The following MGAT5 variants were observed in gnomAD, a reference collection of about 807,000 sequenced individuals.
The protein encoded by MGAT5 is alpha-1,6-mannosylglycoprotein 6-beta-N-acetylglucosaminyltransferase A.
MGAT5 carries 30 observed loss-of-function variants against 94.3 expected under a neutral mutation model. The ratio of observed to expected loss-of-function variants is 0.32; its 90% CI spans 0.24 to 0.43. The LOEUF is 0.43. MGAT5 is among the 20% of genes least tolerant of loss of function. The pLI is 1.00. For synonymous variants in MGAT5, 310 were observed against 322.9 expected (o/e 0.96, Z 0.43); for missense variants, 691 against 905.5 (o/e 0.76, Z 3.04).
intron 14 of MGAT5, among the ~76,000 whole-genome samples, chr2:134,441,149 C>T (rs542020714): frequency 1.3e-5 from 2 of 152,322 alleles, no homozygotes; most frequent in Admixed American, 1.3e-4. Context: ...TGTTTTCAAC[C>T]AACCAGCACT....
chr2:134,350,008 C>T, intron 9 of MGAT5, 70 bp downstream of exon 9: 1 of 1,573,688 alleles, frequency 6.4e-7, no homozygotes, highest in Non-Finnish European at 8.7e-7. Flanking sequence ...TAGCCGCCAT[C>T]TATTTTGGGT....
At chr2:134,416,765 ATTTTTTTTT>A (rs10548586) in intron 12 of MGAT5, among the ~76,000 whole-genome samples, 1 of 130,666 alleles carries the variant, frequency 7.7e-6, no homozygotes, top group African/African-American at 2.8e-5. Context: ...CAGCTAATTA[ATTTTTTTTT>A]TTTTTTTTTT....
intron 1 of MGAT5, among the ~76,000 whole-genome samples, chr2:134,205,997 G>A (rs1310925739): frequency 6.6e-6 from 1 of 152,166 alleles, no homozygotes; most frequent in Admixed American, 6.5e-5. Flanking sequence ...TGCTAGGAAA[G>A]CTACCCAAAA....
intron 14 of MGAT5, among the ~76,000 whole-genome samples, chr2:134,438,542 G>A (rs1685300285): frequency 6.6e-6 from 1 of 152,214 alleles, no homozygotes; most frequent in African/African-American, 2.4e-5. Flanking sequence ...CAGCCAGCAG[G>A]TTTCCTGTCA....
At chr2:134,221,459 CAGAG>C (rs887781539) in intron 1 of MGAT5, among the ~76,000 whole-genome samples, 8 of 150,930 alleles carry the variant, frequency 5.3e-5, no homozygotes, top group African/African-American at 1.5e-4. Context: ...CAGCAGACTT[CAGAG>C]AGAGAGAGAG....
chr2:134,412,047 G>A (rs1043781936), intron 11 of MGAT5, among the ~76,000 whole-genome samples: 11 of 152,212 alleles, frequency 7.2e-5, no homozygotes, highest in South Asian at 2.1e-4. Context: ...GGTACGTGCC[G>A]AGGCATTTCT....
chr2:134,350,944 C>A (rs1352923442), intron 9 of MGAT5, among the ~76,000 whole-genome samples: 3 of 152,122 alleles, frequency 2.0e-5, no homozygotes, highest in Admixed American at 6.6e-5. Context: ...GATCTTCTTC[C>A]CATGTGGTTG....
chr2:134,251,811 A>T (rs987714136), upstream of MGAT5, among the ~76,000 whole-genome samples: 5 of 152,208 alleles, frequency 3.3e-5, no homozygotes, highest in African/African-American at 1.2e-4. Context: ...ATTATTAACC[A>T]TAGTCACCTT....
chr2:134,149,049 G>A (rs1324121028), intron 1 of MGAT5, among the ~76,000 whole-genome samples: 1 of 152,120 alleles, frequency 6.6e-6, no homozygotes, highest in Non-Finnish European at 1.5e-5. Context: ...ACAGCCGTGA[G>A]CCACCGTGCC....
chr2:134,218,901 C>G (rs548659278), intron 1 of MGAT5, among the ~76,000 whole-genome samples: 1 of 152,166 alleles, frequency 6.6e-6, no homozygotes, highest in Non-Finnish European at 1.5e-5. Flanking sequence ...TTAAGCAATG[C>G]TTCATTCTGT....
chr2:134,411,963 G>A (rs944572555), intron 11 of MGAT5, among the ~76,000 whole-genome samples: 3 of 152,174 alleles, frequency 2.0e-5, no homozygotes, highest in East Asian at 1.9e-4. Context: ...ACACAGCTTC[G>A]TCAAGCCCAG....
chr2:134,375,313 C>T (rs1243416181), intron 10 of MGAT5, among the ~76,000 whole-genome samples: 2 of 152,196 alleles, frequency 1.3e-5, no homozygotes, highest in Non-Finnish European at 2.9e-5. Flanking sequence ...TGGATTCTCT[C>T]TTGGTAATTT....
chr2:134,425,265 G>A (rs1684511600), intron 13 of MGAT5, among the ~76,000 whole-genome samples: 1 of 152,148 alleles, frequency 6.6e-6, no homozygotes, highest in African/African-American at 2.4e-5. Flanking sequence ...ACCGTAAAAG[G>A]GTCCTCAGGA....
chr2:134,162,165 G>T (rs180678196), intron 1 of MGAT5, among the ~76,000 whole-genome samples: 59 of 152,190 alleles, frequency 3.9e-4, no homozygotes, highest in African/African-American at 1.2e-3. Flanking sequence ...AGTGCAGCCT[G>T]GGTGACAGAG....
chr2:134,271,657 C>T (rs1573665812), intron 2 of MGAT5, among the ~76,000 whole-genome samples: 1 of 152,132 alleles, frequency 6.6e-6, no homozygotes, highest in South Asian at 2.1e-4. Flanking sequence ...ATGTTCTTTG[C>T]CCTTTAGCAA....
rs1308836590 is a variant in MGAT5 at position 134,270,428 on chromosome 2, A to T, written c.284A>T (p.Gln95Leu). The T allele has an allele frequency of 1.2e-6, 2 of 1,614,226 alleles. No individual in the cohort carries two copies. The highest frequency in any genetic ancestry group is 1.7e-6 in the Non-Finnish European group (2 of 1,180,010). Reference protein sequence around the residue: ...TLAVLLDNILQRIGKLESKVD... With the variant: ...TLAVLLDNILLRIGKLESKVD... The stretch of plus-strand genomic sequence containing the variant: ...GCTGTGTTATTAGATAACATTTTGC[A>T]GCGCATTGGCAAGTTGGAGTCGAAG... The change falls in exon 2 of 16, where the codon CAG becomes CTG. Residue 95 changes from glutamine to leucine, a missense_variant. Coordinates refer to ENST00000281923, the MANE Select transcript of MGAT5 (RefSeq NM_002410.5).
chr2:134,366,234 C>T (rs1203153545), intron 10 of MGAT5, among the ~76,000 whole-genome samples: 3 of 152,188 alleles, frequency 2.0e-5, no homozygotes, highest in South Asian at 2.1e-4. Flanking sequence ...AATCCTTCTA[C>T]ATTCTTTTAA....
chr2:134,330,554 A>AGTGTGTGTGTGTGTGTAT (rs139891303), intron 4 of MGAT5, among the ~76,000 whole-genome samples: 1 of 148,494 alleles, frequency 6.7e-6, no homozygotes, highest in African/African-American at 2.6e-5. Flanking sequence ...TAAATTGTGT[A>AGTGTGTGTGTGTGTGTAT]GTGTGTGTGT....
chr2:134,270,293 G>T, intron 1 of MGAT5, 93 bp from the exon 2 acceptor site: 1 of 1,235,800 alleles, frequency 8.1e-7, no homozygotes, highest in South Asian at 1.5e-5. Context: ...AGAAACATTT[G>T]AGAAGTTTTG....
Sources: gnomAD v4.1 joint callset for allele counts (sites outside exome capture counted in the v4.1 genomes callset) on GRCh38, gnomAD v4.1.1 for gene constraint, MANE v1.5 for transcripts, NCBI Gene and HGNC (gene_info 2026-07-23, HGNC 2026-07-21) for gene names.